The following PRTFDC1 variants were observed in gnomAD, a reference collection of about 807,000 sequenced individuals.
PRTFDC1 encodes phosphoribosyl transferase domain containing 1, also known as phosphoribosyltransferase domain-containing protein 1.
Under a neutral mutation model 34.6 loss-of-function variants are expected in PRTFDC1, and 38 were observed. The ratio of observed to expected loss-of-function variants is 1.10; its 90% CI spans 0.85 to 1.44. The LOEUF (loss-of-function observed/expected upper bound fraction) is 1.44, where lower values mean the gene tolerates loss of function less well. PRTFDC1 is among the 40% of genes most tolerant of loss of function. PRTFDC1 has a pLI of 0.00. For synonymous variants in PRTFDC1, 93 were observed against 98.1 expected, an observed-to-expected ratio of 0.95 and a Z score of 0.31; for missense variants, 270 against 283.0, an observed-to-expected ratio of 0.95 and a Z score of 0.33.
At position 24,942,385 on chromosome 10, in the gene PRTFDC1, G is replaced by A; in HGVS notation, c.100C>T (p.His34Tyr). Residue 34 changes from histidine to tyrosine, a missense_variant, in exon 2 of 9, where the codon CAC (histidine) becomes TAC (tyrosine). Physicochemically the swap from His to Tyr is moderately conservative, Grantham distance 83. Coordinates refer to ENST00000320152, the MANE Select transcript of PRTFDC1 (RefSeq NM_020200.7). The part of the protein sequence containing the change: ...YDLNLFTYPQ[H>Y]YYGDLEYVLI... Reference sequence around the variant, plus strand: ...ACATACTCCAAGTCTCCATAATAGTGCTGTGGGTACGTGAATAAATTCAAG... The same window carrying A: ...ACATACTCCAAGTCTCCATAATAGTACTGTGGGTACGTGAATAAATTCAAG... 6.2e-7 allele frequency: 1 copy of A among 1,613,868 alleles called. No individual in the cohort carries two copies. The highest frequency in any genetic ancestry group is 1.1e-5 in the South Asian group (1 of 91,084).
At chr10:24,882,081 C>T (rs1441053592) in intron 3 of PRTFDC1, among the ~76,000 whole-genome samples, 1 of 151,382 alleles carries the variant, frequency 6.6e-6, no homozygotes, top group East Asian at 1.9e-4. Context: ...GTGGCACGCA[C>T]TTGTAATCCC....
chr10:24,906,045 C>G (rs570453834), intron 3 of PRTFDC1, among the ~76,000 whole-genome samples: 1 of 152,228 alleles, frequency 6.6e-6, no homozygotes, highest in Admixed American at 6.5e-5. Context: ...ACAGAGTGTC[C>G]TCCAGTGCCA....
At chr10:24,862,274 C>A (rs1445519226) in intron 4 of PRTFDC1, among the ~76,000 whole-genome samples, 1 of 152,104 alleles carries the variant, frequency 6.6e-6, no homozygotes, top group African/African-American at 2.4e-5. Context: ...CTTAAAATGG[C>A]CTTTGTAGCT....
chr10:24,852,386 CA>C (rs1335985860), intron 7 of PRTFDC1, among the ~76,000 whole-genome samples: 1 of 152,160 alleles, frequency 6.6e-6, no homozygotes, highest in African/African-American at 2.4e-5. Context: ...CTCTTGACCT[CA>C]AGTGATCCAT....
At chr10:24,927,581 ATT>A (rs5783910) in intron 3 of PRTFDC1, among the ~76,000 whole-genome samples, 18 of 133,762 alleles carry the variant, frequency 1.3e-4, no homozygotes, top group Middle Eastern at 3.5e-3. Flanking sequence ...GCGGGACCCA[ATT>A]TTTTTTTTTT....
At chr10:24,898,591 T>A (rs1460736345) in intron 3 of PRTFDC1, among the ~76,000 whole-genome samples, 1 of 152,072 alleles carries the variant, frequency 6.6e-6, no homozygotes, top group Non-Finnish European at 1.5e-5. Flanking sequence ...CCTTTTCTCC[T>A]TCTTGTCTCT....
At chr10:24,925,816 C>T (rs957546752) in intron 3 of PRTFDC1, among the ~76,000 whole-genome samples, 1 of 152,166 alleles carries the variant, frequency 6.6e-6, no homozygotes, top group African/African-American at 2.4e-5. Context: ...CATCAAATCG[C>T]TAGGAAGAAA....
intron 3 of PRTFDC1, among the ~76,000 whole-genome samples, chr10:24,927,401 C>G (rs1447059754): frequency 1.3e-5 from 2 of 152,108 alleles, no homozygotes; most frequent in Non-Finnish European, 2.9e-5. Flanking sequence ...TGAACTGATT[C>G]AAACCACCCA....
At chr10:24,880,831 C>CTT (rs796263817) in intron 3 of PRTFDC1, among the ~76,000 whole-genome samples, 3 of 137,450 alleles carry the variant, frequency 2.2e-5, no homozygotes, top group Non-Finnish European at 4.6e-5. Flanking sequence ...TTCTTTCTTT[C>CTT]TTTCTTTCTT....
At chr10:24,885,816 A>C (rs1268052745) in intron 3 of PRTFDC1, among the ~76,000 whole-genome samples, 2 of 152,238 alleles carry the variant, frequency 1.3e-5, no homozygotes, top group African/African-American at 4.8e-5. Context: ...ATTCAGTGCA[A>C]ATAAGAGCTA....
chr10:24,855,269 T>G (rs1451850619), intron 7 of PRTFDC1, 49 bp downstream of exon 7: 2 of 1,544,790 alleles, frequency 1.3e-6, no homozygotes, highest in Non-Finnish European at 1.8e-6. Flanking sequence ...TGAAACACCA[T>G]AAGCACAAAA....
At chr10:24,881,981 C>T (rs1454781336) in intron 3 of PRTFDC1, among the ~76,000 whole-genome samples, 8 of 151,994 alleles carry the variant, frequency 5.3e-5, no homozygotes, top group African/African-American at 1.7e-4. Context: ...CTGAGTCAGG[C>T]GGATCACCAG....
At chr10:24,890,590 G>C (rs1422507359) in intron 3 of PRTFDC1, among the ~76,000 whole-genome samples, 1 of 152,224 alleles carries the variant, frequency 6.6e-6, no homozygotes. Context: ...TGTAAGGGAG[G>C]GAGGAGAAGA....
At chr10:24,885,556 C>T (rs909023642) in intron 3 of PRTFDC1, among the ~76,000 whole-genome samples, 6 of 152,180 alleles carry the variant, frequency 3.9e-5, no homozygotes, top group African/African-American at 1.4e-4. Flanking sequence ...CAGATGTGCG[C>T]CATCATGCCA....
intron 3 of PRTFDC1, among the ~76,000 whole-genome samples, chr10:24,875,542 T>C (rs1398165728): frequency 6.6e-6 from 1 of 152,178 alleles, no homozygotes; most frequent in Non-Finnish European, 1.5e-5. Flanking sequence ...CAGCATAATG[T>C]TCTCAGTCCT....
At chr10:24,891,711 T>C (rs1399691677) in intron 3 of PRTFDC1, among the ~76,000 whole-genome samples, 1 of 151,994 alleles carries the variant, frequency 6.6e-6, no homozygotes, top group Non-Finnish European at 1.5e-5. Flanking sequence ...CAGTGAGCTG[T>C]AATCGTGCCA....
chr10:24,907,798 A>G (rs1848560517), intron 3 of PRTFDC1, among the ~76,000 whole-genome samples: 1 of 152,220 alleles, frequency 6.6e-6, no homozygotes, highest in Non-Finnish European at 1.5e-5. Context: ...TTATTGTTAG[A>G]ATAAAAAAAT....
chr10:24,895,687 G>GTA (rs1565269461), intron 3 of PRTFDC1, among the ~76,000 whole-genome samples: 51 of 30,818 alleles, frequency 1.7e-3, no homozygotes, highest in African/African-American at 5.7e-3. Context: ...GAGCTGGGGT[G>GTA]GATATATATA....
chr10:24,919,452 C>T (rs1464426377), intron 3 of PRTFDC1, among the ~76,000 whole-genome samples: 6 of 151,998 alleles, frequency 3.9e-5, no homozygotes, highest in Non-Finnish European at 8.8e-5. Context: ...GAAACTGCAC[C>T]CCTTCCTTAT....
Sources: gnomAD v4.1 joint callset for allele counts (sites outside exome capture counted in the v4.1 genomes callset) on GRCh38, gnomAD v4.1.1 for gene constraint, MANE v1.5 for transcripts, NCBI Gene and HGNC (gene_info 2026-07-23, HGNC 2026-07-21) for gene names.